The following TAFA5 variants were observed in gnomAD, a reference collection of about 807,000 sequenced individuals.
TAFA5 encodes the protein chemokine-like protein TAFA-5.
A neutral mutation model predicts 15.3 loss-of-function variants in TAFA5; 6 were observed. That is an observed-to-expected ratio of 0.39 (90% CI 0.21 to 0.77). TAFA5 has a LOEUF of 0.77. Among genes scored for constraint, TAFA5 ranks in the 30% least tolerant of loss-of-function variants. The pLI is 0.41. For synonymous variants in TAFA5, 103 were observed against 80.7 expected, an observed-to-expected ratio of 1.28 and a Z score of -1.48; for missense variants, 161 against 193.1, an observed-to-expected ratio of 0.83 and a Z score of 0.98.
intron 1 of TAFA5, among the ~76,000 whole-genome samples, chr22:48,625,260 T>G (rs999252277): frequency 1.1e-4 from 16 of 152,172 alleles, no homozygotes; most frequent in African/African-American, 3.9e-4. Flanking sequence ...GACCCACCAG[T>G]CTATTCACAG....
chr22:48,690,343 T>C (rs1442021473), intron 2 of TAFA5, among the ~76,000 whole-genome samples: 1 of 152,014 alleles, frequency 6.6e-6, no homozygotes, highest in Non-Finnish European at 1.5e-5. Context: ...CTGGGTGTGA[T>C]AGGCAGGTGT....
chr22:48,642,061 G>GCTGGCATC (rs1259658738), intron 1 of TAFA5, among the ~76,000 whole-genome samples: 2 of 152,064 alleles, frequency 1.3e-5, no homozygotes, highest in Non-Finnish European at 2.9e-5. Flanking sequence ...GGGGCAGCCT[G>GCTGGCATC]GTGGAGGGGC....
chr22:48,699,822 C>A (rs2147245156), intron 2 of TAFA5, among the ~76,000 whole-genome samples: 1 of 152,334 alleles, frequency 6.6e-6, no homozygotes, highest in East Asian at 1.9e-4. Context: ...TGCACTTACT[C>A]CTGATGAACT....
At chr22:48,620,995 C>T (rs1252231522) in intron 1 of TAFA5, among the ~76,000 whole-genome samples, 1 of 96,540 alleles carries the variant, frequency 1.0e-5, no homozygotes, top group Non-Finnish European at 2.2e-5. Flanking sequence ...CCCACCCACC[C>T]ACACTATCTA....
chr22:48,713,117 T>C (rs367812584), intron 3 of TAFA5, among the ~76,000 whole-genome samples: 11 of 152,366 alleles, frequency 7.2e-5, no homozygotes, highest in African/African-American at 2.4e-4. Context: ...ACATTCGCTA[T>C]TGAGTACCAC....
At chr22:48,719,210 C>A (rs192933632) in intron 3 of TAFA5, among the ~76,000 whole-genome samples, 32 of 152,234 alleles carry the variant, frequency 2.1e-4, no homozygotes, top group African/African-American at 7.0e-4. Flanking sequence ...TCACCTTCCC[C>A]GTCCTTCTGG....
chr22:48,507,763 A>G (rs796712823), intron 1 of TAFA5, among the ~76,000 whole-genome samples: 83 of 152,156 alleles, frequency 5.5e-4, no homozygotes, highest in African/African-American at 1.9e-3. Flanking sequence ...GGTCAGTGTG[A>G]GGGTGGCCGT....
intron 1 of TAFA5, among the ~76,000 whole-genome samples, chr22:48,591,026 A>G (rs1924549059): frequency 6.6e-6 from 1 of 151,828 alleles, no homozygotes; most frequent in Admixed American, 6.6e-5. Flanking sequence ...TAATTTTTGT[A>G]TTTTTAGTAG....
chr22:48,584,638 ACAT>A (rs766973163), intron 1 of TAFA5, among the ~76,000 whole-genome samples: 2 of 149,998 alleles, frequency 1.3e-5, no homozygotes, highest in Non-Finnish European at 3.0e-5. Flanking sequence ...CTCACAAAAT[ACAT>A]CACACATGCA....
intron 1 of TAFA5, among the ~76,000 whole-genome samples, chr22:48,504,336 C>T (rs1255261054): frequency 1.3e-5 from 2 of 152,214 alleles, no homozygotes; most frequent in Non-Finnish European, 2.9e-5. Flanking sequence ...TTAATCCAGC[C>T]GTGCTTAGGG....
chr22:48,506,613 A>G (rs1921004151), intron 1 of TAFA5, among the ~76,000 whole-genome samples: 1 of 152,128 alleles, frequency 6.6e-6, no homozygotes, highest in Admixed American at 6.5e-5. Context: ...GCCCCCTGCC[A>G]GCCTGTCCTC....
At chr22:48,527,213 G>A (rs1050686982) in intron 1 of TAFA5, among the ~76,000 whole-genome samples, 25 of 152,222 alleles carry the variant, frequency 1.6e-4, no homozygotes, top group African/African-American at 2.2e-4. Context: ...AGGCGACCCC[G>A]TGGCACTCCC....
At chr22:48,629,581 T>G (rs1263516805) in intron 1 of TAFA5, among the ~76,000 whole-genome samples, 1 of 152,192 alleles carries the variant, frequency 6.6e-6, no homozygotes, top group Non-Finnish European at 1.5e-5. Flanking sequence ...TTTTAAATAC[T>G]GGGGAGTCAC....
At chr22:48,650,172 C>A (rs1016564232) in intron 2 of TAFA5, among the ~76,000 whole-genome samples, 2 of 152,080 alleles carry the variant, frequency 1.3e-5, no homozygotes, top group African/African-American at 4.8e-5. Flanking sequence ...TGTGTTGGGT[C>A]GGTGTTGGAA....
At chr22:48,748,704 G>C (rs130234) in intron 3 of TAFA5, among the ~76,000 whole-genome samples, 49,527 of 152,084 alleles carry the variant, frequency 0.33, 9,352 homozygotes, top group Non-Finnish European at 0.43. Flanking sequence ...CAGGAGCTCA[G>C]GAACCGCAGC....
intron 1 of TAFA5, chr22:48,546,648 C>T (rs1922683441): frequency 2.1e-6 from 1 of 466,934 alleles, no homozygotes; most frequent in Non-Finnish European, 4.5e-6. Context: ...GGCGAGTCCT[C>T]CTCCTACTTC....
chr22:48,712,093 G>A (rs1394996887), intron 3 of TAFA5, among the ~76,000 whole-genome samples: 1 of 152,208 alleles, frequency 6.6e-6, no homozygotes, highest in Admixed American at 6.5e-5. Flanking sequence ...TTTCGCTCTT[G>A]TCACCCAGGC....
chr22:48,621,294 T>TTATC (rs1399424973), intron 1 of TAFA5, among the ~76,000 whole-genome samples: 3 of 144,510 alleles, frequency 2.1e-5, no homozygotes, highest in Non-Finnish European at 4.5e-5. Context: ...ATCCATCCAT[T>TTATC]TATCCATCCT....
In TAFA5 at chr22:48,703,898, G is replaced by A. The variant is rs13058222; in HGVS notation, c.263-3819G>A. 9.8e-3 allele frequency among the ~76,000 whole-genome samples: 1,492 copies of A among 152,318 alleles called. 9 individuals carry two copies. Among genetic ancestry groups the A allele is most frequent in the Non-Finnish European group, 0.015 (1,037 of 68,024 alleles). On this transcript the variant is annotated intron_variant, in intron 2 of 3. Transcript: ENST00000402357. ...CTGCAGAGAGTGCCAGAACTGGCCC[G>A]GGCAGATGCAGAAACATCTCCCTGT...
Sources: gnomAD v4.1 joint callset for allele counts (sites outside exome capture counted in the v4.1 genomes callset) on GRCh38, gnomAD v4.1.1 for gene constraint, MANE v1.5 for transcripts, NCBI Gene and HGNC (gene_info 2026-07-23, HGNC 2026-07-21) for gene names.